Variants in AAGAB observed in about 807,000 individuals in gnomAD.
AAGAB encodes alpha and gamma adaptin binding protein.
In AAGAB, 38 loss-of-function variants were observed where a neutral mutation model predicts 44.1. That is an observed-to-expected ratio of 0.86 (90% CI 0.67 to 1.13). The LOEUF is 1.13. Ranked by LOEUF, AAGAB falls within the 50% of genes most tolerant of loss-of-function variation. The pLI is 0.00. For missense variants in AAGAB, 450 were observed against 373.8 expected, an observed-to-expected ratio of 1.20 and a Z score of -1.68; for synonymous variants, 131 against 131.8, an observed-to-expected ratio of 0.99 and a Z score of 0.04.
At chr15:67,228,046 T>C (rs938600669) in intron 5 of AAGAB, among the ~76,000 whole-genome samples, 2 of 152,238 alleles carry the variant, frequency 1.3e-5, no homozygotes, top group African/African-American at 4.8e-5. Flanking sequence ...TATTGTTTAG[T>C]GTCTAAAACA....
In AAGAB at chr15:67,202,630, C is replaced by T; in HGVS notation, c.*191G>A. On this transcript the variant is annotated 3_prime_UTR_variant, in exon 10 of 10. Transcript: ENST00000261880. Reference sequence around the variant, plus strand: ...TTACTATCACTGTATTCCTCACTCTCTTACAATATACTGAGGAAAAAAAAG... The same window carrying T: ...TTACTATCACTGTATTCCTCACTCTTTTACAATATACTGAGGAAAAAAAAG... The T allele has an allele frequency of 3.4e-6, 2 of 589,458 alleles. No individual in the cohort carries two copies. The highest frequency in any genetic ancestry group is 3.0e-6 in the Non-Finnish European group (1 of 328,856). The allele number at this position is 589,458 out of a possible 1,614,324, so 36.5% of individuals were successfully genotyped here. A position where few individuals can be genotyped will look rare whatever the true frequency, so the allele number is the denominator to read the frequency against.
chr15:67,229,310 G>GT (rs1264730990), intron 5 of AAGAB, among the ~76,000 whole-genome samples: 2 of 151,938 alleles, frequency 1.3e-5, no homozygotes, highest in Non-Finnish European at 2.9e-5. Flanking sequence ...GTGCGCGCCT[G>GT]TAATCCTGGC....
At chr15:67,210,731 GCTAT>G (rs1480454336) in intron 5 of AAGAB, among the ~76,000 whole-genome samples, 1 of 152,150 alleles carries the variant, frequency 6.6e-6, no homozygotes, top group Non-Finnish European at 1.5e-5. Flanking sequence ...ATTCAAGGAC[GCTAT>G]CTGAGATTCA....
upstream of AAGAB, chr15:67,254,781 A>G: frequency 7.5e-7 from 1 of 1,335,732 alleles, no homozygotes; most frequent in Non-Finnish European, 1.1e-6. Context: ...TTCCGCTCCC[A>G]GCGTGGAACA....
chr15:67,231,412 C>G (rs1964332060), intron 5 of AAGAB, among the ~76,000 whole-genome samples: 1 of 152,222 alleles, frequency 6.6e-6, no homozygotes, highest in African/African-American at 2.4e-5. Context: ...AGCCATGTTT[C>G]TGATTTTATG....
chr15:67,252,194 CA>C (rs1567035276), intron 1 of AAGAB, among the ~76,000 whole-genome samples: 1 of 152,152 alleles, frequency 6.6e-6, no homozygotes, highest in Non-Finnish European at 1.5e-5. Context: ...TACTTCAAGG[CA>C]GGGACCATGT....
At chr15:67,212,364 T>TA (rs1311985798) in intron 5 of AAGAB, among the ~76,000 whole-genome samples, 1 of 152,086 alleles carries the variant, frequency 6.6e-6, no homozygotes, top group African/African-American at 2.4e-5. Context: ...GTATCGCAAT[T>TA]AAAACTTTGA....
Position 67,210,444 on chromosome 15 carries a change from A to C in AAGAB, c.536-900T>G, listed in dbSNP as rs541305058. Among the ~76,000 whole-genome samples the C allele has an allele frequency of 1.1e-4, 16 of 151,796 alleles. No individual in the cohort carries two copies. In the East Asian group the frequency reaches 2.7e-3, roughly 26 times the overall value. On this transcript the variant is annotated intron_variant, in intron 5 of 9. Coordinates refer to ENST00000261880, the MANE Select transcript of AAGAB (RefSeq NM_024666.5). ...GGCAGGAGAATCGCTTGAACCCAGG[A>C]GGCAGAGGTTGCAGTGATCTGAGAT...
At chr15:67,244,492 G>C (rs1948363118) in intron 1 of AAGAB, among the ~76,000 whole-genome samples, 1 of 152,026 alleles carries the variant, frequency 6.6e-6, no homozygotes, top group Non-Finnish European at 1.5e-5. Context: ...AAGAAGACCA[G>C]AAAACCAATT....
rs369008165 is a variant in AAGAB, at chr15:67,231,874, C to T, written c.475G>A (p.Val159Ile). The T allele has an allele frequency of 1.9e-6, 3 of 1,611,518 alleles. No homozygotes were observed. In the African/African-American group the frequency reaches 4.0e-5, roughly 22 times the overall value. ...TTCAGGGCTTGGACAATTCGCTTTA[C>T]TCCTGTAGATTCTGGGAAGTCATCT... ...EDDDFPESTG[V>I]KRIVQALNAN... The change falls in exon 5 of 10, where the codon GTA becomes ATA. Residue 159 changes from valine (V) to isoleucine (I), a missense_variant. Coordinates refer to ENST00000261880, the MANE Select transcript of AAGAB (RefSeq NM_024666.5).
intron 1 of AAGAB, among the ~76,000 whole-genome samples, chr15:67,252,854 A>T (rs1964902138): frequency 6.6e-6 from 1 of 152,236 alleles, no homozygotes; most frequent in Admixed American, 6.5e-5. Flanking sequence ...CTGAAGGGAC[A>T]TCTTACCTAA....
intron 5 of AAGAB, among the ~76,000 whole-genome samples, chr15:67,214,918 G>C (rs552737141): frequency 1.3e-5 from 2 of 151,994 alleles, no homozygotes; most frequent in East Asian, 3.9e-4. Context: ...GGGATTACAG[G>C]TGTGAGCCAC....
intron 5 of AAGAB, among the ~76,000 whole-genome samples, chr15:67,225,671 T>G (rs1299837482): frequency 2.0e-5 from 3 of 152,214 alleles, no homozygotes; most frequent in Non-Finnish European, 4.4e-5. Flanking sequence ...GTGTCGGGCT[T>G]TTTTCACTTA....
At chr15:67,219,399 T>C (rs759413402) in intron 5 of AAGAB, among the ~76,000 whole-genome samples, 17 of 152,194 alleles carry the variant, frequency 1.1e-4, no homozygotes, top group Non-Finnish European at 2.2e-4. Context: ...ATAGCAAAGA[T>C]GGGGAATCAA....
intron 5 of AAGAB, among the ~76,000 whole-genome samples, chr15:67,210,431 G>C (rs11858541): frequency 6.6e-6 from 1 of 151,268 alleles, no homozygotes; most frequent in Non-Finnish European, 1.5e-5. Context: ...CAGGAGAATC[G>C]CTTGAACCCA....
chr15:67,230,481 T>C lies in AAGAB; in HGVS notation c.535+1333A>G, dbSNP rs193153252. Among the ~76,000 whole-genome samples, 82 of 152,256 alleles carry C rather than the reference T, an allele frequency of 5.4e-4. 1 individual carries two copies. In the East Asian group the frequency reaches 0.012, roughly 21 times the overall value. On this transcript the variant is annotated intron_variant, in intron 5 of 9. Transcript: ENST00000261880. The stretch of plus-strand genomic sequence containing the variant: ...AGACAGGCACCCAGGGAAAACTTCA[T>C]GTGAAGGATGGAGTTATGCTGCCAC...
chr15:67,236,712 C>T lies in AAGAB; in HGVS notation c.182G>A (p.Cys61Tyr), dbSNP rs762584286. The T allele has an allele frequency of 6.8e-6, 11 of 1,613,958 alleles. No homozygotes were observed. Among genetic ancestry groups the T allele is most frequent in the Admixed American group, 5.0e-5 (3 of 60,026 alleles). The change falls in exon 2 of 10, where the codon TGT (cysteine) becomes TAT (tyrosine). Residue 61 changes from cysteine (C) to tyrosine (Y), a missense_variant. By Grantham distance (194) the Cys-to-Tyr change is radical. Coordinates refer to ENST00000261880, the MANE Select transcript of AAGAB (RefSeq NM_024666.5). Reference protein sequence around the residue: ...NKYYSADINLCVVPNKFLVTA... With the variant: ...NKYYSADINLYVVPNKFLVTA... ...AACAAGAAATTTGTTTGGCACCACA[C>T]ATAGATTGATGTCTGCTGAATAGTA... is the stretch of plus-strand genomic sequence containing the variant.
At chr15:67,234,452 G>A (rs1285410230) in intron 4 of AAGAB, among the ~76,000 whole-genome samples, 3 of 152,116 alleles carry the variant, frequency 2.0e-5, no homozygotes, top group Non-Finnish European at 4.4e-5. Context: ...GCTAGTACCA[G>A]TAAGAGGAAA....
chr15:67,222,526 C>CT (rs563208254), intron 5 of AAGAB, among the ~76,000 whole-genome samples: 128 of 152,252 alleles, frequency 8.4e-4, no homozygotes, highest in Middle Eastern at 3.4e-3. Context: ...TCAGAAGAAA[C>CT]TTCCACAGAT....
Sources: gnomAD v4.1 joint callset for allele counts (sites outside exome capture counted in the v4.1 genomes callset) on GRCh38, gnomAD v4.1.1 for gene constraint, MANE v1.5 for transcripts, NCBI Gene and HGNC (gene_info 2026-07-23, HGNC 2026-07-21) for gene names.